RANBP3: variants seen among roughly 807,000 people sequenced by gnomAD.
RANBP3 encodes ran-binding protein 3.
Under a neutral mutation model 77.3 loss-of-function variants are expected in RANBP3, and 14 were observed. The ratio of observed to expected loss-of-function variants is 0.18; its 90% CI spans 0.12 to 0.28. RANBP3 has a LOEUF of 0.28. Ranked by LOEUF, RANBP3 falls within the 10% of genes least tolerant of loss-of-function variation. RANBP3 has a pLI of 1.00. For missense variants in RANBP3, 586 were observed against 752.3 expected (o/e 0.78, Z 2.59); for synonymous variants, 315 against 312.4 (o/e 1.01, Z -0.09).
At position 5,924,924 on chromosome 19, in the gene RANBP3, A is replaced by G. The variant is rs773606943; in HGVS notation, c.918-19T>C. On this transcript the variant is annotated intron_variant, in intron 10 of 16. Transcript: ENST00000340578. The surrounding 1 kb of genome is among the most constrained non-coding windows in gnomAD (Gnocchi z 4.7). ...CTCTAAACTGAAGAGAAGATGTGCA[A>G]TGAGTGTGGGGCGTCACGTGGGAAC... 7 of 1,608,056 alleles carry G rather than the reference A, an allele frequency of 4.4e-6. No individual in the cohort carries two copies. Among genetic ancestry groups the G allele is most frequent in the Non-Finnish European group, 5.1e-6 (6 of 1,174,484 alleles).
chr19:5,942,168 T>C (rs1172590456), intron 3 of RANBP3, among the ~76,000 whole-genome samples: 1 of 152,134 alleles, frequency 6.6e-6, no homozygotes, highest in Non-Finnish European at 1.5e-5. Flanking sequence ...TGGCCCCCGT[T>C]CATTCTGCCA....
Position 5,917,088 on chromosome 19 carries a change from C to T in RANBP3, c.*522G>A, listed in dbSNP as rs778810219. 2 of 163,106 alleles carry T rather than the reference C, an allele frequency of 1.2e-5. No homozygotes were observed. Among genetic ancestry groups the T allele is most frequent in the Non-Finnish European group, 2.7e-5 (2 of 73,898 alleles). The allele number at this position is 163,106 out of a possible 1,614,324, so 10.1% of individuals were successfully genotyped here. A position where few individuals can be genotyped will look rare whatever the true frequency, so the allele number is the denominator to read the frequency against. On this transcript the variant is annotated 3_prime_UTR_variant, in exon 17 of 17. Coordinates refer to ENST00000340578, the MANE Select transcript of RANBP3 (RefSeq NM_007322.3). ...GGGAAATGAAGATAGTAGTTAACAG[C>T]ACGTCCAATGGGCCCAGTGTCTACA...
chr19:5,978,035 C>T, intron 1 of RANBP3, 26 bp downstream of exon 1: 1 of 1,609,152 alleles, frequency 6.2e-7, no homozygotes, highest in African/African-American at 1.3e-5. Flanking sequence ...CGGCCGCCAG[C>T]CGGTCCCCAA....
At chr19:5,941,899 C>CG (rs2058142403) in intron 3 of RANBP3, 64 bp from the exon 4 acceptor site, 1 of 1,584,822 alleles carries the variant, frequency 6.3e-7, no homozygotes, top group Non-Finnish European at 8.6e-7. Context: ...GAGCAACTCT[C>CG]GGGGCCGTAA....
In RANBP3 at chr19:5,921,625, G is replaced by A. The variant is rs895585593; in HGVS notation, c.1210-304C>T. 6.6e-6 allele frequency among the ~76,000 whole-genome samples: 1 copy of A among 152,240 alleles called. No individual in the cohort carries two copies. The highest frequency in any genetic ancestry group is 2.4e-5 in the African/African-American group (1 of 41,460). On this transcript the variant is annotated intron_variant, in intron 13 of 16. Transcript: ENST00000340578. This position sits in a 1 kb window ranked among gnomAD's most constrained non-coding sequence, Gnocchi z 5.3. ...GCTGGAACCCTCACACACTGCTGGC[G>A]GGAAGGCCGCATGGTGCCACTGCTG...
At chr19:5,937,091 A>C (rs141121421) in intron 5 of RANBP3, among the ~76,000 whole-genome samples, 1,843 of 146,818 alleles carry the variant, frequency 0.013, 18 homozygotes, top group Non-Finnish European at 0.02. Flanking sequence ...AAAAGGAAGA[A>C]AATCCCATGG....
intron 1 of RANBP3, among the ~76,000 whole-genome samples, chr19:5,964,872 T>G (rs1033919592): frequency 0.14 from 3,974 of 28,428 alleles, 9 homozygotes; most frequent in Non-Finnish European, 0.17. Flanking sequence ...GGTGGCACGG[T>G]GGGGGGTCAC....
In RANBP3 at chr19:5,964,108, C is replaced by G. The variant is rs368058708; in HGVS notation, c.23-6135G>C. Among the ~76,000 whole-genome samples, 4 of 152,222 alleles carry G rather than the reference C, an allele frequency of 2.6e-5. 1 individual carries two copies. The East Asian group carries it at 7.7e-4, about 29-fold the overall frequency. On this transcript the variant is annotated intron_variant, in intron 1 of 16. Transcript: ENST00000340578. ...CCTCCCATCCCCTGCTACCCTCAAC[C>G]CACTTGTGAGGCTCCGATGCAAAAT... is the stretch of plus-strand genomic sequence containing the variant.
Position 5,957,965 on chromosome 19 carries a change from C to A in RANBP3, c.31G>T (p.Ala11Ser). The stretch of plus-strand genomic sequence containing the variant: ...AACACAAAGACGGGCGGAGCAATGG[C>A]AGGCTTTTCTGCAAAAAGAAAAATT... MADLANEEKP[A>S]IAPPVFVFQK... The change falls in exon 2 of 17, where the codon GCC (alanine) becomes TCC (serine). Residue 11 changes from alanine to serine, a missense_variant. Physicochemically the swap from Ala to Ser is moderately conservative, Grantham distance 99. Around this residue, in one of 5 missense-constraint regions of RANBP3, gnomAD observed 172 missense variants for 183.4 expected, o/e 0.94. Transcript: ENST00000340578. The A allele has an allele frequency of 5.0e-6, 8 of 1,614,194 alleles. No individual in the cohort carries two copies. Among genetic ancestry groups the A allele is most frequent in the Non-Finnish European group, 6.8e-6 (8 of 1,180,030 alleles).
chr19:5,920,617 G>A lies in RANBP3; in HGVS notation c.1330+584C>T, dbSNP rs544542549. ...GGCTGGAGTGCAGTGGCTCAATCTC[G>A]GCTCACTGCAATCTCCGTCTCCCAA... On this transcript the variant is annotated intron_variant, in intron 14 of 16. Transcript: ENST00000340578. 1.5e-3 allele frequency among the ~76,000 whole-genome samples: 232 copies of A among 152,066 alleles called. 1 individual carries two copies. Among genetic ancestry groups the A allele is most frequent in the Middle Eastern group, 6.8e-3 (2 of 294 alleles).
At chr19:5,975,804 G>C (rs541522227) in intron 1 of RANBP3, among the ~76,000 whole-genome samples, 1 of 151,676 alleles carries the variant, frequency 6.6e-6, no homozygotes, top group Non-Finnish European at 1.5e-5. Context: ...AGCCATGGGG[G>C]TATCTGGGGG....
rs781460531 is a variant in RANBP3, at chr19:5,924,854, A to G, written c.969T>C (p.Phe323=). 2 of 1,614,158 alleles carry G rather than the reference A, an allele frequency of 1.2e-6. No homozygotes were observed. The highest frequency in any genetic ancestry group is 2.2e-5 in the South Asian group (2 of 91,088). Residue 323 remains phenylalanine, a synonymous_variant, in exon 11 of 17, where the codon TTT becomes TTC. Coordinates refer to ENST00000340578, the MANE Select transcript of RANBP3 (RefSeq NM_007322.3). The surrounding 1 kb of genome is among the most constrained non-coding windows in gnomAD (Gnocchi z 4.7). ...AAACTCGCTCGCTCATGTTCTGGCC[A>G]AATACAAATTTGTTGCTGGAGGCGT... is the stretch of plus-strand genomic sequence containing the variant. ...SADASSNKFV[F]GQNMSERVLS...
At chr19:5,948,888 G>A (rs1398053731) in intron 3 of RANBP3, among the ~76,000 whole-genome samples, 1 of 152,192 alleles carries the variant, frequency 6.6e-6, no homozygotes, top group Non-Finnish European at 1.5e-5. Context: ...AGAGCTGCCT[G>A]CTTTCTCCAC....
At chr19:5,937,184 A>T (rs2058078488) in intron 5 of RANBP3, among the ~76,000 whole-genome samples, 1 of 151,990 alleles carries the variant, frequency 6.6e-6, no homozygotes, top group South Asian at 2.1e-4. Flanking sequence ...AGGTACACAC[A>T]GTCCCAGAGT....
At chr19:5,931,957 C>G (rs1480164019) in intron 7 of RANBP3, among the ~76,000 whole-genome samples, 1 of 152,068 alleles carries the variant, frequency 6.6e-6, no homozygotes, top group Non-Finnish European at 1.5e-5. Context: ...ATCGCTTGAG[C>G]CCAGGAGTTC....
In RANBP3 at chr19:5,923,896, C is replaced by T. The variant is rs772017572; in HGVS notation, c.1015G>A (p.Glu339Lys). 8.1e-6 allele frequency: 13 copies of T among 1,614,068 alleles called. No homozygotes were observed. Among genetic ancestry groups the T allele is most frequent in the Middle Eastern group, 1.6e-4 (1 of 6,062 alleles). The change falls in exon 12 of 17, where the codon GAG becomes AAG. Residue 339 changes from glutamate to lysine, a missense_variant. Physicochemically the swap from Glu to Lys is moderately conservative, Grantham distance 56. Coordinates refer to ENST00000340578, the MANE Select transcript of RANBP3 (RefSeq NM_007322.3). ...TCCCTGTTGGCATCTGAACTGACCT[C>T]GTTTAATTTTGGGGGGCTCTGCAGG... ...ERVLSPPKLN[E>K]VSSDANRENA...
At chr19:5,950,099 A>C (rs1206105939) in intron 3 of RANBP3, among the ~76,000 whole-genome samples, 1 of 152,142 alleles carries the variant, frequency 6.6e-6, no homozygotes, top group African/African-American at 2.4e-5. Context: ...AGGTGCAGTA[A>C]CTCACCATAC....
At chr19:5,951,895 T>C (rs2058281420) in intron 2 of RANBP3, among the ~76,000 whole-genome samples, 1 of 152,232 alleles carries the variant, frequency 6.6e-6, no homozygotes, top group East Asian at 1.9e-4. Context: ...AAGGAGCTAC[T>C]TGGCTTACGG....
intron 2 of RANBP3, 86 bp from the exon 3 acceptor site, chr19:5,951,682 A>T (rs1441371047): frequency 8.0e-7 from 1 of 1,242,784 alleles, no homozygotes; most frequent in Non-Finnish European, 1.1e-6. Context: ...CAGAGGCTGG[A>T]GCTGGCTCAG....
Sources: allele counts gnomAD v4.1 joint callset (sites outside exome capture counted in the v4.1 genomes callset), GRCh38; gene constraint gnomAD v4.1.1; regional missense constraint gnomAD v4.1.1; non-coding constraint Gnocchi (gnomAD v3.1); transcripts MANE v1.5; gene names NCBI Gene and HGNC (gene_info 2026-07-23, HGNC 2026-07-21).